Variants in SESTD1 observed in about 807,000 individuals in gnomAD.
The protein encoded by SESTD1 is SEC14 domain and spectrin repeat-containing protein 1.
Under a neutral mutation model 101.7 loss-of-function variants are expected in SESTD1, and 43 were observed. That is an observed-to-expected ratio of 0.42 (90% CI 0.33 to 0.55). The LOEUF is 0.55. Ranked by LOEUF, SESTD1 falls within the 20% of genes least tolerant of loss-of-function variation. SESTD1 has a pLI of 0.07. For synonymous variants in SESTD1, 283 were observed against 286.8 expected, an observed-to-expected ratio of 0.99 and a Z score of 0.13; for missense variants, 647 against 815.1, an observed-to-expected ratio of 0.79 and a Z score of 2.51.
At position 179,191,847 on chromosome 2, in the gene SESTD1, T is replaced by A. The variant is rs762047460; in HGVS notation, c.-6A>T. The A allele has an allele frequency of 4.3e-6, 7 of 1,609,362 alleles. No individual in the cohort carries two copies. The East Asian group carries it at 1.6e-4, about 36-fold the overall frequency. ...AATATTACTGAGGCCTCCATTTTACTCCAGTGAACTTCCTTAATTCTGAAA... is the reference window on the plus strand; with the variant it reads ...AATATTACTGAGGCCTCCATTTTACACCAGTGAACTTCCTTAATTCTGAAA... On this transcript the variant is annotated 5_prime_UTR_variant, in exon 2 of 18. Coordinates refer to ENST00000428443, the MANE Select transcript of SESTD1 (RefSeq NM_178123.5).
chr2:179,130,597 T>G (rs2044988856), intron 10 of SESTD1, among the ~76,000 whole-genome samples: 1 of 152,018 alleles, frequency 6.6e-6, no homozygotes, highest in Non-Finnish European at 1.5e-5. Context: ...ATCCAATTTC[T>G]AACTGTAATT....
intron 16 of SESTD1, among the ~76,000 whole-genome samples, chr2:179,113,956 T>C (rs906787276): frequency 1.3e-5 from 2 of 148,670 alleles, no homozygotes; most frequent in African/African-American, 4.8e-5. Flanking sequence ...AGTACTGTGA[T>C]TACACAGGGT....
chr2:179,253,520 A>G (rs2047348631), intron 1 of SESTD1, among the ~76,000 whole-genome samples: 1 of 152,226 alleles, frequency 6.6e-6, no homozygotes, highest in Non-Finnish European at 1.5e-5. Context: ...AAATTATTCT[A>G]AAACAAAAAG....
intron 13 of SESTD1, among the ~76,000 whole-genome samples, chr2:179,120,013 G>A (rs1399415054): frequency 2.0e-5 from 3 of 152,184 alleles, no homozygotes; most frequent in African/African-American, 4.8e-5. Context: ...GGCGGATCAC[G>A]AGGTCAGGAG....
chr2:179,199,481 A>G (rs2046466025), intron 1 of SESTD1, among the ~76,000 whole-genome samples: 1 of 152,354 alleles, frequency 6.6e-6, no homozygotes, highest in Middle Eastern at 3.4e-3. Flanking sequence ...CTGATACCAA[A>G]GCCAGGCAGA....
intron 13 of SESTD1, among the ~76,000 whole-genome samples, chr2:179,117,938 G>A (rs574618358): frequency 6.6e-6 from 1 of 152,242 alleles, no homozygotes; most frequent in East Asian, 1.9e-4. Context: ...CATCAAACAA[G>A]TTTCAAGGAT....
At chr2:179,195,464 A>C (rs2046375823) in intron 1 of SESTD1, among the ~76,000 whole-genome samples, 2 of 152,214 alleles carry the variant, frequency 1.3e-5, no homozygotes, top group East Asian at 3.8e-4. Context: ...TTTGTTTACA[A>C]ATTACCCAGT....
Position 179,123,761 on chromosome 2 carries a change from C to T in SESTD1, c.1236G>A (p.Ser412=), listed in dbSNP as rs369441211. ...CAAGCAGTTTTAAAGTTTGCTGAATCGATGCTCCATCAGCTGGTGCTACAT... is the reference window on the plus strand; with the variant it reads ...CAAGCAGTTTTAAAGTTTGCTGAATTGATGCTCCATCAGCTGGTGCTACAT... ...CVDVAPADGA[S]IQQTLKLLEE... The change falls in exon 12 of 18, where the codon TCG becomes TCA. Residue 412 remains serine (S), a synonymous_variant. Coordinates refer to ENST00000428443, the MANE Select transcript of SESTD1 (RefSeq NM_178123.5). The T allele has an allele frequency of 1.2e-5, 19 of 1,613,832 alleles. 1 individual carries two copies. Among genetic ancestry groups the T allele is most frequent in the Admixed American group, 3.3e-5 (2 of 60,008 alleles).
intron 3 of SESTD1, among the ~76,000 whole-genome samples, chr2:179,182,065 G>T (rs1190590896): frequency 3.3e-5 from 5 of 150,434 alleles, no homozygotes. Flanking sequence ...ATTAAAATCA[G>T]TTGTTTTAAC....
chr2:179,168,888 T>C (rs549218589), intron 5 of SESTD1, among the ~76,000 whole-genome samples: 3 of 152,330 alleles, frequency 2.0e-5, no homozygotes, highest in Admixed American at 1.3e-4. Context: ...TATACTGTTT[T>C]AAGGTCCTTC....
intron 16 of SESTD1, 123 bp from the exon 17 acceptor site, chr2:179,112,968 T>C (rs1372007299): frequency 4.6e-6 from 6 of 1,317,596 alleles, no homozygotes; most frequent in Non-Finnish European, 6.1e-6. Context: ...ATCAAGCTCA[T>C]ACAAATTTGG....
At chr2:179,227,538 G>A (rs2046906522) in intron 1 of SESTD1, among the ~76,000 whole-genome samples, 3 of 152,098 alleles carry the variant, frequency 2.0e-5, no homozygotes, top group Admixed American at 1.3e-4. Flanking sequence ...CTCTAAAACA[G>A]CTATTTGAAC....
chr2:179,141,003 C>G (rs1341170152), intron 9 of SESTD1, among the ~76,000 whole-genome samples: 1 of 152,148 alleles, frequency 6.6e-6, no homozygotes, highest in Non-Finnish European at 1.5e-5. Flanking sequence ...CAGTTTAAAG[C>G]ACTCTTCTTA....
intron 1 of SESTD1, among the ~76,000 whole-genome samples, chr2:179,244,287 T>C (rs780972687): frequency 2.2e-4 from 34 of 151,818 alleles, no homozygotes; most frequent in Non-Finnish European, 4.4e-4. Flanking sequence ...TGAAACCCCG[T>C]CTCTTACTAA....
intron 10 of SESTD1, among the ~76,000 whole-genome samples, chr2:179,131,706 G>T (rs1193842301): frequency 6.6e-6 from 1 of 152,086 alleles, no homozygotes; most frequent in African/African-American, 2.4e-5. Flanking sequence ...CACATAACAA[G>T]TTGTTAAATT....
intron 1 of SESTD1, among the ~76,000 whole-genome samples, chr2:179,252,665 T>C (rs140687908): frequency 0.031 from 4,757 of 152,280 alleles, 99 homozygotes; most frequent in Middle Eastern, 0.068. Flanking sequence ...CTTGGTTAAA[T>C]TGAGGAAGTA....
intron 5 of SESTD1, among the ~76,000 whole-genome samples, chr2:179,169,589 T>C (rs2045895061): frequency 6.6e-6 from 1 of 152,096 alleles, no homozygotes; most frequent in African/African-American, 2.4e-5. Flanking sequence ...AGAATCATCT[T>C]GACAGTTACA....
At chr2:179,149,501 C>G (rs1207547968) in intron 6 of SESTD1, 107 bp from the exon 7 acceptor site, 2 of 696,876 alleles carry the variant, frequency 2.9e-6, no homozygotes, top group African/African-American at 3.8e-5. Context: ...ATATGTTTTC[C>G]TTCCCCAGCA....
At chr2:179,167,831 C>T (rs184035029) in intron 5 of SESTD1, among the ~76,000 whole-genome samples, 5 of 152,164 alleles carry the variant, frequency 3.3e-5, no homozygotes, top group Admixed American at 6.5e-5. Flanking sequence ...GGCATGATCT[C>T]GGCTCACTGC....
Sources: gnomAD v4.1 joint callset for allele counts (sites outside exome capture counted in the v4.1 genomes callset) on GRCh38, gnomAD v4.1.1 for gene constraint, MANE v1.5 for transcripts, NCBI Gene and HGNC (gene_info 2026-07-23, HGNC 2026-07-21) for gene names.